The following PNCK variants were observed in gnomAD, a reference collection of about 807,000 sequenced individuals.
The protein encoded by PNCK is pregnancy up-regulated nonubiquitous CaM kinase, also known as calcium/calmodulin-dependent protein kinase type 1B.
A neutral mutation model predicts 28.3 loss-of-function variants in PNCK; 21 were observed. That is an observed-to-expected ratio of 0.74 (90% CI 0.53 to 1.07). The LOEUF (loss-of-function observed/expected upper bound fraction) is 1.07, where lower values mean the gene tolerates loss of function less well. Ranked by LOEUF, PNCK falls within the 50% of genes least tolerant of loss-of-function variation. The pLI is 0.00. For missense variants in PNCK, 250 were observed against 298.3 expected (o/e 0.84, Z 1.19); for synonymous variants, 136 against 125.2 (o/e 1.09, Z -0.58).
At chrX:153,674,557 T>G, upstream of PNCK, 3 of 137,897 alleles carry the variant, frequency 2.2e-5, no homozygotes, top group Non-Finnish European at 2.9e-5. Flanking sequence ...CAAACCGGCC[T>G]CCCCCGCCCT....
upstream of PNCK, among the ~76,000 whole-genome samples, chrX:153,678,706 A>G (rs2091381009): frequency 1.8e-5 from 2 of 111,483 alleles, no homozygotes; most frequent in Non-Finnish European, 3.8e-5. Context: ...TGACATATTC[A>G]GAGTGTCACG....
chrX:153,677,645 TGTATATATATA>T (rs2091374382), upstream of PNCK, among the ~76,000 whole-genome samples: 1 of 98,404 alleles, frequency 1.0e-5, no homozygotes, highest in Non-Finnish European at 2.0e-5. Context: ...ATATATATAG[TGTATATATATA>T]GTGTGTATAT....
chrX:153,672,885 A>C, intron 2 of PNCK, 124 bp downstream of exon 2: 2 of 946,803 alleles, frequency 2.1e-6, no homozygotes, highest in Non-Finnish European at 2.9e-6. Flanking sequence ...ACACCCCTAC[A>C]TATTCACACA....
chrX:153,686,056 C>T (rs782457392), intron 1 of PNCK, among the ~76,000 whole-genome samples: 25 of 112,147 alleles, frequency 2.2e-4, no homozygotes, highest in Admixed American at 1.9e-3. Flanking sequence ...GCTCCCACTC[C>T]GAGGGTCCAT....
chrX:153,683,849 G>A (rs2091405731), intron 1 of PNCK, among the ~76,000 whole-genome samples: 1 of 111,859 alleles, frequency 8.9e-6, no homozygotes, highest in Non-Finnish European at 1.9e-5. Context: ...TGTGGTCCGG[G>A]TGGAGCCATC....
intron 1 of PNCK, among the ~76,000 whole-genome samples, chrX:153,684,593 G>C (rs2091409382): frequency 9.1e-6 from 1 of 109,948 alleles, no homozygotes. Context: ...TTTGTTCCCA[G>C]CTTATTCTAA....
upstream of PNCK, chrX:153,674,311 T>C (rs2091352190): frequency 2.3e-6 from 2 of 867,927 alleles, no homozygotes; most frequent in African/African-American, 2.0e-5. Context: ...AGAGCATTCC[T>C]TTTATTGAGA....
At chrX:153,670,859 G>A (rs782370408) in intron 9 of PNCK, 28 bp from the exon 10 acceptor site, 2 of 1,210,083 alleles carry the variant, frequency 1.7e-6, no homozygotes, top group Middle Eastern at 2.3e-4. Flanking sequence ...GTCAGGGGGG[G>A]TCTCTCTGCA....
At chrX:153,670,873 G>A (rs1557039494) in intron 9 of PNCK, 42 bp from the exon 10 acceptor site, 1 of 1,210,149 alleles carries the variant, frequency 8.3e-7, no homozygotes. Flanking sequence ...CTCTGCAAAT[G>A]CAGGCCCCCT....
At chrX:153,671,718 G>A (rs202216095) in intron 5 of PNCK, 46 bp from the exon 6 acceptor site, 30 of 1,165,403 alleles carry the variant, frequency 2.6e-5, no homozygotes, top group South Asian at 1.4e-4. Context: ...GTCCTGACGC[G>A]GTGCCGGTGC....
chrX:153,680,290 G>C (rs782172162), intron 1 of PNCK, among the ~76,000 whole-genome samples: 1 of 105,830 alleles, frequency 9.4e-6, no homozygotes, highest in Admixed American at 1.1e-4. Flanking sequence ...GCGTGGTGCC[G>C]TCCTCACAAT....
chrX:153,687,593 G>C (rs2091426687), upstream of PNCK: 1 of 314,024 alleles, frequency 3.2e-6, no homozygotes, highest in South Asian at 2.7e-5. Flanking sequence ...GCGGAGGGCT[G>C]AGGGGGCCCG....
chrX:153,670,853 G>C (rs2091287279), intron 9 of PNCK, 22 bp from the exon 10 acceptor site: 3 of 1,206,873 alleles, frequency 2.5e-6, no homozygotes, highest in South Asian at 1.8e-5. Flanking sequence ...CTGAAGGTCA[G>C]GGGGGGTCTC....
chrX:153,671,412 C>T (rs147403907), intron 6 of PNCK, 52 bp from the exon 7 acceptor site: 2 of 1,211,896 alleles, frequency 1.7e-6, no homozygotes. Context: ...GCAGCCATGC[C>T]GCTCAGTGTC....
At chrX:153,670,714 C>A (rs369022391) in intron 10 of PNCK, 30 bp downstream of exon 10, 1 of 1,159,921 alleles carries the variant, frequency 8.6e-7, no homozygotes, top group African/African-American at 1.8e-5. Context: ...GTGCGGCGGG[C>A]GACCACACTG....
rs199809829 is a variant in PNCK, at chrX:153,672,724, GGGAA to G, written c.69-31_69-28del. ...TGCCGCAGACGGGGCGGTGGGAGGT[GGGAA>G]GGAAGTGGGAAGAGAGGAGAGGCAG... On this transcript the variant is annotated intron_variant, in intron 2 of 11. Transcript: ENST00000340888. The G allele has an allele frequency of 2.1e-3, 2,516 of 1,186,771 alleles. 36 individuals carry two copies. In the African/African-American group the frequency reaches 0.037, roughly 18 times the overall value.
rs1557039466 is a variant in PNCK, at chrX:153,670,814, G to T, written c.824C>A (p.Ala275Asp). 2.5e-6 allele frequency: 3 copies of T among 1,211,499 alleles called. No homozygotes were observed. Among genetic ancestry groups the T allele is most frequent in the Admixed American group, 2.2e-5 (1 of 46,126 alleles). Residue 275 changes from alanine (A) to aspartate (D), a missense_variant, in exon 10 of 12, where the codon GCC (alanine) becomes GAC (aspartate). Coordinates refer to ENST00000340888, the MANE Select transcript of PNCK (RefSeq NM_001366977.1). ...AGAGCCTAAGATGTCCCTGTCGAAGGCTGTGTCCCCAGAGATCCTGGGGAA... is the reference window on the plus strand; with the variant it reads ...AGAGCCTAAGATGTCCCTGTCGAAGTCTGTGTCCCCAGAGATCCTGGGGAA... ...LRHLWISGDTAFDRDILGSVS... is the reference protein window; with the variant it reads ...LRHLWISGDTDFDRDILGSVS...
chrX:153,670,848 G>C lies in PNCK; in HGVS notation c.807-17C>G, dbSNP rs2091287128. 1 of 1,209,928 alleles carries C rather than the reference G, an allele frequency of 8.3e-7. No homozygotes were observed. Among genetic ancestry groups the C allele is most frequent in the South Asian group, 1.8e-5 (1 of 56,924 alleles). On this transcript the variant is annotated splice_polypyrimidine_tract_variant and intron_variant, in intron 9 of 11. Transcript: ENST00000340888. ...CCAGAGATCCTGGGGAAAGGCTGAA[G>C]GTCAGGGGGGGTCTCTCTGCAAATG... is the stretch of plus-strand genomic sequence containing the variant.
chrX:153,676,163 G>A (rs2091365291), upstream of PNCK, among the ~76,000 whole-genome samples: 1 of 110,071 alleles, frequency 9.1e-6, no homozygotes, highest in East Asian at 2.9e-4. Context: ...CCTATCCTAT[G>A]TAGCTGTTAA....
Sources: gnomAD v4.1 joint callset for allele counts (sites outside exome capture counted in the v4.1 genomes callset) on GRCh38, gnomAD v4.1.1 for gene constraint, MANE v1.5 for transcripts, NCBI Gene and HGNC (gene_info 2026-07-23, HGNC 2026-07-21) for gene names.